KATNB1: variants seen among roughly 807,000 people sequenced by gnomAD.
KATNB1 encodes katanin p80 WD40 repeat-containing subunit B1.
In KATNB1, 38 loss-of-function variants were observed where a neutral mutation model predicts 82.3. The ratio of observed to expected loss-of-function variants is 0.46; its 90% CI spans 0.36 to 0.61. KATNB1 has a LOEUF of 0.61. Ranked by LOEUF, KATNB1 falls within the 20% of genes least tolerant of loss-of-function variation. The pLI, the probability that KATNB1 is intolerant of heterozygous loss-of-function variation, is 0.00. For missense variants in KATNB1, 749 were observed against 915.7 expected (o/e 0.82, Z 2.35); for synonymous variants, 361 against 368.7 (o/e 0.98, Z 0.24).
At chr16:57,745,645 TC>T (rs1310056867) in intron 4 of KATNB1, among the ~76,000 whole-genome samples, 1 of 151,876 alleles carries the variant, frequency 6.6e-6, no homozygotes, top group African/African-American at 2.4e-5. Context: ...ATGGCACCAC[TC>T]CCAGCCCCAT....
chr16:57,753,942 C>T lies in KATNB1; in HGVS notation c.1178-3C>T. ...CACAGCCAGGGGCCTCTTTCCTCTG[C>T]AGGTCGGACGCCACCCCGGAGAAGT... is the stretch of plus-strand genomic sequence containing the variant. On this transcript the variant is annotated splice_polypyrimidine_tract_variant and splice_region_variant and intron_variant, in intron 12 of 19. Coordinates refer to ENST00000379661, the MANE Select transcript of KATNB1 (RefSeq NM_005886.3). 6.2e-7 allele frequency: 1 copy of T among 1,613,400 alleles called. No individual in the cohort carries two copies.
chr16:57,737,746 A>T (rs900564121), intron 2 of KATNB1, among the ~76,000 whole-genome samples: 3 of 152,176 alleles, frequency 2.0e-5, no homozygotes, highest in Non-Finnish European at 2.9e-5. Flanking sequence ...AGGGATGCAG[A>T]CAGGGCTCGG....
In KATNB1 at chr16:57,741,669, C is replaced by T. The variant is rs782187127; in HGVS notation, c.41-18C>T. 3.1e-6 allele frequency: 5 copies of T among 1,606,374 alleles called. No homozygotes were observed. The South Asian group carries it at 5.5e-5, about 18-fold the overall frequency. On this transcript the variant is annotated intron_variant, in intron 2 of 19. Coordinates refer to ENST00000379661, the MANE Select transcript of KATNB1 (RefSeq NM_005886.3). Reference sequence around the variant, plus strand: ...ATCGGGCCGCCCTGATGGCCTCTCCCTCTCCTTCCCTGTGTAGAAGAGATC... The same window carrying T: ...ATCGGGCCGCCCTGATGGCCTCTCCTTCTCCTTCCCTGTGTAGAAGAGATC...
chr16:57,744,604 C>G, intron 4 of KATNB1, 93 bp downstream of exon 4: 2 of 1,039,838 alleles, frequency 1.9e-6, no homozygotes, highest in Non-Finnish European at 3.0e-6. Flanking sequence ...CCTGCCTGGA[C>G]TACGTTGGCT....
rs1445175571 is a variant in KATNB1, at chr16:57,756,798, A to G, written c.1836-16A>G. Reference sequence around the variant, plus strand: ...GGTGGTGCCAGCTAGCCCCTCAGGCACTGCCCTCTCTACAGGCTGCATAAG... The same window carrying G: ...GGTGGTGCCAGCTAGCCCCTCAGGCGCTGCCCTCTCTACAGGCTGCATAAG... On this transcript the variant is annotated splice_polypyrimidine_tract_variant and intron_variant, in intron 19 of 19. Coordinates refer to ENST00000379661, the MANE Select transcript of KATNB1 (RefSeq NM_005886.3). 6 of 1,535,360 alleles carry G rather than the reference A, an allele frequency of 3.9e-6. No homozygotes were observed. In the African/African-American group the frequency reaches 4.1e-5, roughly 11 times the overall value.
intron 3 of KATNB1, 68 bp downstream of exon 3, chr16:57,741,885 G>A (rs1012920241): frequency 2.0e-6 from 3 of 1,526,688 alleles, no homozygotes; most frequent in East Asian, 4.8e-5. Flanking sequence ...AGGGGTTGGA[G>A]GCTGAAGAGT....
intron 2 of KATNB1, 44 bp from the exon 3 acceptor site, chr16:57,741,643 C>A (rs1004604260): frequency 1.3e-6 from 2 of 1,579,100 alleles, no homozygotes; most frequent in African/African-American, 1.3e-5. Context: ...CACAAGGCCC[C>A]ATCGGGCCGC....
intron 12 of KATNB1, 80 bp downstream of exon 12, chr16:57,753,599 G>A: frequency 6.4e-7 from 1 of 1,552,602 alleles, no homozygotes; most frequent in East Asian, 2.3e-5. Flanking sequence ...GTAGCCTGCT[G>A]TGGCTCCGCA....
chr16:57,752,154 G>A, intron 8 of KATNB1, 99 bp downstream of exon 8: 1 of 788,828 alleles, frequency 1.3e-6, no homozygotes, highest in Non-Finnish European at 2.2e-6. Context: ...TGTCTGGGGT[G>A]TCATACGTCT....
intron 4 of KATNB1, 34 bp from the exon 5 acceptor site, chr16:57,750,793 T>C: frequency 1.3e-6 from 2 of 1,565,370 alleles, no homozygotes; most frequent in Non-Finnish European, 1.8e-6. Flanking sequence ...CTCATTTGCC[T>C]CTTAGCCACT....
At position 57,757,042 on chromosome 16, in the gene KATNB1, C is replaced by T. The variant is rs1555587273; in HGVS notation, c.*96C>T. ...CACCCACTGGCCCATGAGCCTCTGC[C>T]TGGCCCCTGCTGCTGTCCTGTGGCC... On this transcript the variant is annotated 3_prime_UTR_variant, in exon 20 of 20. Coordinates refer to ENST00000379661, the MANE Select transcript of KATNB1 (RefSeq NM_005886.3). 8 of 1,324,972 alleles carry T rather than the reference C, an allele frequency of 6.0e-6. No homozygotes were observed. The highest frequency in any genetic ancestry group is 4.9e-6 in the Non-Finnish European group (5 of 1,020,798). 82.1% of individuals were successfully genotyped at this position (1,324,972 alleles called of 1,614,324 possible).
At chr16:57,746,469 G>A (rs11641700) in intron 4 of KATNB1, among the ~76,000 whole-genome samples, 5,993 of 152,278 alleles carry the variant, frequency 0.039, 161 homozygotes, top group Non-Finnish European at 0.055. Flanking sequence ...GTGCTAGGTC[G>A]TCACTGGTTT....
At position 57,756,762 on chromosome 16, in the gene KATNB1, G is replaced by A. The variant is rs2049292299; in HGVS notation, c.1836-52G>A. The A allele has an allele frequency of 2.7e-6, 4 of 1,496,260 alleles. No homozygotes were observed. The South Asian group carries it at 5.5e-5, about 20-fold the overall frequency. The allele number at this position is 1,496,260 out of a possible 1,614,324, so 92.7% of individuals were successfully genotyped here. On this transcript the variant is annotated intron_variant, in intron 19 of 19. Coordinates refer to ENST00000379661, the MANE Select transcript of KATNB1 (RefSeq NM_005886.3). ...AGGACAGCAAAGGCCCTGGGGTTGG[G>A]TGTGGGTGGTGGTGGTGCCAGCTAG...
Position 57,755,869 on chromosome 16 carries a change from A to G in KATNB1, c.1595A>G (p.Asn532Ser). The G allele has an allele frequency of 6.3e-7, 1 of 1,595,152 alleles. No individual in the cohort carries two copies. Among genetic ancestry groups the G allele is most frequent in the South Asian group, 1.1e-5 (1 of 90,142 alleles). ...TCGGTGGACTCCGCTGTGGCCATCA[A>G]CGACCTGTCGGTGGTGGTGGACCTC... Reference protein sequence around the residue: ...KTSVDSAVAINDLSVVVDLLN... With the variant: ...KTSVDSAVAISDLSVVVDLLN... Residue 532 changes from asparagine to serine, a missense_variant, in exon 17 of 20, where the codon AAC becomes AGC. By Grantham distance (46) the Asn-to-Ser change is conservative (BLOSUM62 1). This residue lies in a region of KATNB1 where 407 missense variants were observed against 434.7 expected (regional missense o/e 0.94). Coordinates refer to ENST00000379661, the MANE Select transcript of KATNB1 (RefSeq NM_005886.3).
chr16:57,744,547 C>T (rs2049168723), intron 4 of KATNB1, 36 bp downstream of exon 4: 2 of 1,497,570 alleles, frequency 1.3e-6, no homozygotes, highest in South Asian at 1.1e-5. Flanking sequence ...GCACGCACAC[C>T]TGCCTTAGTC....
chr16:57,738,914 C>T (rs2049123255), intron 2 of KATNB1, among the ~76,000 whole-genome samples: 1 of 151,162 alleles, frequency 6.6e-6, no homozygotes. Context: ...TCTGTGTCTC[C>T]TCTAGTTGCA....
intron 11 of KATNB1, 21 bp from the exon 12 acceptor site, chr16:57,753,368 G>A: frequency 6.2e-7 from 1 of 1,605,812 alleles, no homozygotes; most frequent in Non-Finnish European, 8.5e-7. Flanking sequence ...GCTTCCGTTG[G>A]GCTTGGCCTC....
At chr16:57,752,956 C>T (rs111852771) in intron 10 of KATNB1, 28 bp downstream of exon 10, 1 of 1,598,556 alleles carries the variant, frequency 6.3e-7, no homozygotes, top group African/African-American at 1.3e-5. Flanking sequence ...CCCACCGCCC[C>T]CCACTCCCAC....
chr16:57,753,230 T>C lies in KATNB1; in HGVS notation c.1009T>C (p.Tyr337His). ...CCCCAGCGCCCCCCTCCGGCGCATC[T>C]ATGAGCGGCCCAGCACAACCTGCAG... ...PNPSAPLRRI[Y>H]ERPSTTCSKP... Residue 337 changes from tyrosine to histidine, a missense_variant, in exon 11 of 20, where the codon TAT (tyrosine) becomes CAT (histidine). Transcript: ENST00000379661. 2 of 1,606,056 alleles carry C rather than the reference T, an allele frequency of 1.2e-6. No individual in the cohort carries two copies. The highest frequency in any genetic ancestry group is 1.7e-6 in the Non-Finnish European group (2 of 1,177,640).
Sources: gnomAD v4.1 joint callset for allele counts (sites outside exome capture counted in the v4.1 genomes callset) on GRCh38, gnomAD v4.1.1 for gene constraint, gnomAD v4.1.1 regional missense constraint, MANE v1.5 for transcripts, NCBI Gene and HGNC (gene_info 2026-07-23, HGNC 2026-07-21) for gene names.